Variants in MEIS1 observed in about 807,000 individuals in gnomAD.
MEIS1 encodes the protein Meis homeobox 1.
MEIS1 carries 5 observed loss-of-function variants against 50.8 expected under a neutral mutation model. The observed-to-expected ratio is 0.10, with a 90% CI of 0.05 to 0.21. MEIS1 has a LOEUF of 0.21. MEIS1 is among the 10% of genes least tolerant of loss of function. MEIS1 has a pLI of 1.00. For synonymous variants in MEIS1, 176 were observed against 179.3 expected (o/e 0.98, Z 0.15); for missense variants, 318 against 517.3 (o/e 0.61, Z 3.74).
At chr2:66,566,125 C>T (rs2103971154) in intron 9 of MEIS1, among the ~76,000 whole-genome samples, 1 of 152,206 alleles carries the variant, frequency 6.6e-6, no homozygotes, top group African/African-American at 2.4e-5. Context: ...TATACAAGAA[C>T]TGATATAATA....
Position 66,573,826 on chromosome 2 carries a change from C to T in MEIS1, c.*2618C>T, listed in dbSNP as rs1324660414. On this transcript the variant is annotated 3_prime_UTR_variant, in exon 13 of 13. Coordinates refer to ENST00000272369, the MANE Select transcript of MEIS1 (RefSeq NM_002398.3). ...TAGGTGGTTGCTAGCAGTTAACAAC[C>T]ATTTATTTACTTTAACAATTAATAA... 1 of 152,160 alleles carries T rather than the reference C, an allele frequency of 6.6e-6. No individual in the cohort carries two copies. Among genetic ancestry groups the T allele is most frequent in the African/African-American group, 2.4e-5 (1 of 41,436 alleles). 9.4% of individuals were successfully genotyped at this position (152,160 alleles called of 1,614,324 possible). A position where few individuals can be genotyped will look rare whatever the true frequency, so the allele number is the denominator to read the frequency against.
intron 7 of MEIS1, among the ~76,000 whole-genome samples, chr2:66,483,540 T>C (rs928019408): frequency 3.9e-5 from 6 of 152,196 alleles, no homozygotes; most frequent in Non-Finnish European, 8.8e-5. Flanking sequence ...TTCACTCTTA[T>C]AGGACTCCCT....
At chr2:66,549,437 C>T (rs1166864918) in intron 9 of MEIS1, among the ~76,000 whole-genome samples, 1 of 151,564 alleles carries the variant, frequency 6.6e-6, no homozygotes, top group Admixed American at 6.6e-5. Flanking sequence ...GCTACTGTGT[C>T]TTAATTTTCA....
chr2:66,521,181 G>A (rs966892849), intron 8 of MEIS1, among the ~76,000 whole-genome samples: 17 of 152,140 alleles, frequency 1.1e-4, no homozygotes, highest in Admixed American at 6.5e-4. Flanking sequence ...TAATTTTTGC[G>A]TTTTTGGAAT....
chr2:66,445,856 T>C (rs1350648269), intron 6 of MEIS1, among the ~76,000 whole-genome samples: 2 of 152,014 alleles, frequency 1.3e-5, no homozygotes, highest in Admixed American at 6.5e-5. Flanking sequence ...TATTTATTTA[T>C]TTTAAAAATA....
intron 7 of MEIS1, among the ~76,000 whole-genome samples, chr2:66,493,777 T>A (rs1458990903): frequency 6.6e-6 from 1 of 152,208 alleles, no homozygotes; most frequent in Non-Finnish European, 1.5e-5. Flanking sequence ...TGTTCTCTAA[T>A]GTACTTTCTA....
At chr2:66,436,842 C>T in intron 1 of MEIS1, 1 of 973,184 alleles carries the variant, frequency 1.0e-6, no homozygotes, top group Non-Finnish European at 1.2e-6. Context: ...ATTTCACACA[C>T]ACAAAATAAT....
chr2:66,548,050 A>G (rs1674832408), intron 9 of MEIS1, 31 bp downstream of exon 9: 1 of 1,605,732 alleles, frequency 6.2e-7, no homozygotes. Context: ...TTTACACACA[A>G]TCTGTTTCCC....
chr2:66,539,213 A>C (rs1674590977), intron 8 of MEIS1, among the ~76,000 whole-genome samples: 1 of 152,162 alleles, frequency 6.6e-6, no homozygotes, highest in African/African-American at 2.4e-5. Context: ...ATAAGCTACT[A>C]TCATTCCTGT....
intron 7 of MEIS1, among the ~76,000 whole-genome samples, chr2:66,477,438 A>G (rs1672920214): frequency 6.6e-6 from 1 of 152,264 alleles, no homozygotes; most frequent in East Asian, 1.9e-4. Flanking sequence ...AGATGGGAGA[A>G]AATGCAGCTG....
At chr2:66,563,951 T>C (rs962283661) in intron 9 of MEIS1, among the ~76,000 whole-genome samples, 1 of 152,140 alleles carries the variant, frequency 6.6e-6, no homozygotes, top group African/African-American at 2.4e-5. Context: ...AAAAATAAAA[T>C]ATTTTGCTAT....
intron 7 of MEIS1, among the ~76,000 whole-genome samples, chr2:66,489,828 G>A (rs1021639868): frequency 1.3e-5 from 2 of 152,190 alleles, no homozygotes; most frequent in Non-Finnish European, 2.9e-5. Context: ...TCAAATGCAG[G>A]TAGATGAAAT....
chr2:66,568,685 A>G lies in MEIS1; in HGVS notation c.1043A>G (p.Tyr348Cys). The G allele has an allele frequency of 6.2e-7, 1 of 1,613,764 alleles. No individual in the cohort carries two copies. Among genetic ancestry groups the G allele is most frequent in the Non-Finnish European group, 8.5e-7 (1 of 1,179,658 alleles). Reference protein sequence around the residue: ...SNRAVSQGTPYNPDGQPMGGF... With the variant: ...SNRAVSQGTPCNPDGQPMGGF... ...TTTGTAGTAAGTCAAGGAACACCTT[A>G]TAATCCTGATGGACAGCCCATGGGA... The change falls in exon 11 of 13, where the codon TAT (tyrosine) becomes TGT (cysteine). Residue 348 changes from tyrosine (Y) to cysteine (C), a missense_variant. Around this residue, in one of 6 missense-constraint regions of MEIS1, gnomAD observed 54 missense variants for 75.0 expected, o/e 0.72. Transcript: ENST00000272369.
chr2:66,440,343 G>C (rs1671938245), intron 3 of MEIS1: 1 of 608,422 alleles, frequency 1.6e-6, no homozygotes, highest in Non-Finnish European at 2.9e-6. Flanking sequence ...GTTGCTAGTA[G>C]AAGTAAGATT....
At chr2:66,440,514 CT>C in intron 3 of MEIS1, 47 bp from the exon 4 acceptor site, 1 of 1,541,558 alleles carries the variant, frequency 6.5e-7, no homozygotes, top group African/African-American at 1.4e-5. Flanking sequence ...ATTTTTCTTT[CT>C]TTTTTCTCTC....
Position 66,571,770 on chromosome 2 carries a change from C to G in MEIS1, c.*562C>G. On this transcript the variant is annotated 3_prime_UTR_variant, in exon 13 of 13. Transcript: ENST00000272369. ...ATTGTAAATGCTATTATACTGTTATCCATATTACGTTGTTTCTTATAGATT... is the reference window on the plus strand; with the variant it reads ...ATTGTAAATGCTATTATACTGTTATGCATATTACGTTGTTTCTTATAGATT... 1 of 502,286 alleles carries G rather than the reference C, an allele frequency of 2.0e-6. No individual in the cohort carries two copies. The highest frequency in any genetic ancestry group is 2.7e-5 in the South Asian group (1 of 37,530). 31.1% of individuals were successfully genotyped at this position (502,286 alleles called of 1,614,324 possible).
At chr2:66,498,901 C>G (rs1282231325) in intron 7 of MEIS1, among the ~76,000 whole-genome samples, 5 of 152,192 alleles carry the variant, frequency 3.3e-5, no homozygotes, top group Admixed American at 6.5e-5. Flanking sequence ...TGCATTTTAA[C>G]AAGATCCCAG....
At chr2:66,491,700 A>C (rs1180663817) in intron 7 of MEIS1, among the ~76,000 whole-genome samples, 2 of 152,202 alleles carry the variant, frequency 1.3e-5, no homozygotes, top group African/African-American at 4.8e-5. Context: ...ATAAGAACAC[A>C]TGGGTGGGGG....
rs980693986 is a variant in MEIS1, at chr2:66,573,099, A to G, written c.*1891A>G. 4.6e-5 allele frequency: 7 copies of G among 152,210 alleles called. No homozygotes were observed. The highest frequency in any genetic ancestry group is 1.0e-4 in the Non-Finnish European group (7 of 68,048). 9.4% of individuals were successfully genotyped at this position (152,210 alleles called of 1,614,324 possible). Reference sequence around the variant, plus strand: ...TTACTAAAGGATGTTACCTAGGATGAGCAGTATATGTTTATTAGGAAATTA... The same window carrying G: ...TTACTAAAGGATGTTACCTAGGATGGGCAGTATATGTTTATTAGGAAATTA... On this transcript the variant is annotated 3_prime_UTR_variant, in exon 13 of 13. Transcript: ENST00000272369.
Sources: gnomAD v4.1 joint callset for allele counts (sites outside exome capture counted in the v4.1 genomes callset) on GRCh38, gnomAD v4.1.1 for gene constraint, gnomAD v4.1.1 regional missense constraint, MANE v1.5 for transcripts, NCBI Gene and HGNC (gene_info 2026-07-23, HGNC 2026-07-21) for gene names.